Variants in GRXCR1 observed in about 807,000 individuals in gnomAD.
GRXCR1 encodes the protein glutaredoxin and cysteine rich domain containing 1.
A neutral mutation model predicts 27.3 loss-of-function variants in GRXCR1; 27 were observed. The ratio of observed to expected loss-of-function variants is 0.99; its 90% CI spans 0.73 to 1.37. The LOEUF (loss-of-function observed/expected upper bound fraction) is 1.37. GRXCR1 is among the 40% of genes most tolerant of loss of function. The pLI is 0.00. For synonymous variants in GRXCR1, 122 were observed against 131.1 expected, an observed-to-expected ratio of 0.93 and a Z score of 0.47; for missense variants, 379 against 354.4, an observed-to-expected ratio of 1.07 and a Z score of -0.56.
chr4:42,936,807 A>G (rs1276525441), intron 1 of GRXCR1, among the ~76,000 whole-genome samples: 1 of 151,858 alleles, frequency 6.6e-6, no homozygotes, highest in Non-Finnish European at 1.5e-5. Flanking sequence ...GATTATGGTT[A>G]TGTGTCTTGG....
intron 2 of GRXCR1, among the ~76,000 whole-genome samples, chr4:42,979,023 T>C (rs977706414): frequency 1.3e-5 from 2 of 152,054 alleles, no homozygotes; most frequent in Non-Finnish European, 2.9e-5. Flanking sequence ...CTGCCATGAT[T>C]ATAAGTTTCC....
chr4:42,969,818 C>T (rs1306692737), intron 2 of GRXCR1, among the ~76,000 whole-genome samples: 1 of 152,098 alleles, frequency 6.6e-6, no homozygotes, highest in African/African-American at 2.4e-5. Context: ...ACAGTCATGC[C>T]TTCCCAACCG....
intron 1 of GRXCR1, among the ~76,000 whole-genome samples, chr4:42,927,557 A>G (rs1311870427): frequency 6.6e-6 from 1 of 152,038 alleles, no homozygotes. Flanking sequence ...TTAAAATTCA[A>G]TTCTTTCACC....
chr4:42,999,706 T>C (rs1052155163), intron 2 of GRXCR1, among the ~76,000 whole-genome samples: 5 of 152,222 alleles, frequency 3.3e-5, no homozygotes, highest in African/African-American at 1.2e-4. Context: ...CTATTAGGAA[T>C]TGTTAAAAAC....
At chr4:43,024,197 C>CTTTTTTTTTTTTTTTTTTTT (rs60704333) in intron 3 of GRXCR1, among the ~76,000 whole-genome samples, 4 of 94,260 alleles carry the variant, frequency 4.2e-5, no homozygotes, top group African/African-American at 8.8e-5. Context: ...ATTTTCTGTC[C>CTTTTTTTTTTTTTTTTTTTT]TTTTTTTTTT....
At chr4:42,917,300 G>A (rs1051173646) in intron 1 of GRXCR1, among the ~76,000 whole-genome samples, 3 of 152,090 alleles carry the variant, frequency 2.0e-5, no homozygotes, top group Non-Finnish European at 4.4e-5. Context: ...TGGTGTTGAT[G>A]GCACAAATGA....
chr4:42,962,876 A>G lies in GRXCR1; in HGVS notation c.385-16A>G, dbSNP rs1307806172. 1 of 1,612,140 alleles carries G rather than the reference A, an allele frequency of 6.2e-7. No individual in the cohort carries two copies. Among genetic ancestry groups the G allele is most frequent in the Non-Finnish European group, 8.5e-7 (1 of 1,178,554 alleles). On this transcript the variant is annotated splice_polypyrimidine_tract_variant and intron_variant, in intron 1 of 3. Transcript: ENST00000399770. The stretch of plus-strand genomic sequence containing the variant: ...GTAAAAGCAAACATTCTTACAACTC[A>G]ATGTTTTCCCTTCAGCAACCATCAA...
intron 2 of GRXCR1, among the ~76,000 whole-genome samples, chr4:42,979,732 G>T (rs977351439): frequency 6.6e-6 from 1 of 151,952 alleles, no homozygotes; most frequent in East Asian, 1.9e-4. Context: ...GGTGTGTGGG[G>T]CAGGTAGAAT....
At chr4:43,005,240 A>G (rs944169628) in intron 2 of GRXCR1, among the ~76,000 whole-genome samples, 1 of 152,136 alleles carries the variant, frequency 6.6e-6, no homozygotes, top group Non-Finnish European at 1.5e-5. Context: ...CCTCCCAGTC[A>G]TGCTTCCTGT....
At chr4:42,972,866 G>T (rs773025638) in intron 2 of GRXCR1, among the ~76,000 whole-genome samples, 18 of 152,108 alleles carry the variant, frequency 1.2e-4, no homozygotes, top group Admixed American at 3.9e-4. Flanking sequence ...CTCTTTAGCA[G>T]CATATTTACA....
intron 3 of GRXCR1, among the ~76,000 whole-genome samples, chr4:43,027,439 T>G (rs192311932): frequency 5.9e-5 from 9 of 152,370 alleles, no homozygotes; most frequent in Admixed American, 5.9e-4. Context: ...ACTCTTGGTA[T>G]TAGTGAATTT....
chr4:43,021,387 G>A (rs1285369769), intron 3 of GRXCR1, among the ~76,000 whole-genome samples: 1 of 151,836 alleles, frequency 6.6e-6, no homozygotes, highest in African/African-American at 2.4e-5. Flanking sequence ...TCTTTTTAGG[G>A]GCCTTATAAA....
intron 1 of GRXCR1, among the ~76,000 whole-genome samples, chr4:42,899,455 A>T (rs1056856031): frequency 6.6e-6 from 1 of 152,012 alleles, no homozygotes; most frequent in Non-Finnish European, 1.5e-5. Flanking sequence ...TCCCCAGAAG[A>T]TTCTCTCTTT....
At chr4:42,978,724 G>T (rs976230936) in intron 2 of GRXCR1, among the ~76,000 whole-genome samples, 4 of 152,012 alleles carry the variant, frequency 2.6e-5, no homozygotes, top group Non-Finnish European at 4.4e-5. Flanking sequence ...ATTTCAGCAT[G>T]TAAGATTAAA....
chr4:42,908,941 G>T (rs1295957813), intron 1 of GRXCR1, among the ~76,000 whole-genome samples: 1 of 152,140 alleles, frequency 6.6e-6, no homozygotes, highest in Admixed American at 6.5e-5. Context: ...CACATGTTGT[G>T]CCCAAACCCT....
At chr4:42,933,263 C>T (rs1747373276) in intron 1 of GRXCR1, among the ~76,000 whole-genome samples, 1 of 151,798 alleles carries the variant, frequency 6.6e-6, no homozygotes, top group Non-Finnish European at 1.5e-5. Flanking sequence ...TTTTCTAAAA[C>T]CAGTGCTTTA....
chr4:42,934,638 C>A (rs1414931531), intron 1 of GRXCR1, among the ~76,000 whole-genome samples: 3 of 151,908 alleles, frequency 2.0e-5, no homozygotes, highest in Non-Finnish European at 4.4e-5. Flanking sequence ...CTTTTTAAAA[C>A]GTTGACTTCT....
chr4:43,003,174 T>A (rs531847050), intron 2 of GRXCR1, among the ~76,000 whole-genome samples: 10 of 152,318 alleles, frequency 6.6e-5, no homozygotes, highest in African/African-American at 2.4e-4. Flanking sequence ...ACTTCTTTTC[T>A]TCATAAATTA....
intron 1 of GRXCR1, among the ~76,000 whole-genome samples, chr4:42,913,826 G>A (rs1048943729): frequency 2.0e-5 from 3 of 152,162 alleles, no homozygotes; most frequent in South Asian, 2.1e-4. Context: ...ACAGCCTCAG[G>A]ACATTGTGCC....
Sources: allele counts gnomAD v4.1 joint callset (sites outside exome capture counted in the v4.1 genomes callset), GRCh38; gene constraint gnomAD v4.1.1; transcripts MANE v1.5; gene names NCBI Gene and HGNC (gene_info 2026-07-23, HGNC 2026-07-21).